The following SNRPC variants were observed in gnomAD, a reference collection of about 807,000 sequenced individuals.
SNRPC encodes the protein U1 small nuclear ribonucleoprotein C.
In SNRPC, 5 loss-of-function variants were observed where a neutral mutation model predicts 20.0. That is an observed-to-expected ratio of 0.25 (90% CI 0.13 to 0.53). The LOEUF (loss-of-function observed/expected upper bound fraction) is 0.53. Ranked by LOEUF, SNRPC falls within the 20% of genes least tolerant of loss-of-function variation. SNRPC has a pLI of 0.96. For missense variants in SNRPC, 112 were observed against 224.1 expected (o/e 0.50, Z 3.19); for synonymous variants, 61 against 58.7 (o/e 1.04, Z -0.18).
At chr6:34,761,622 G>A (rs7341334) in intron 2 of SNRPC, among the ~76,000 whole-genome samples, 147 of 143,552 alleles carry the variant, frequency 1.0e-3, no homozygotes, top group African/African-American at 3.2e-3. Flanking sequence ...CTGGGTTCAC[G>A]CCATTCTCCT....
intron 2 of SNRPC, among the ~76,000 whole-genome samples, chr6:34,759,801 C>CT (rs1399271552): frequency 6.6e-6 from 1 of 152,186 alleles, no homozygotes; most frequent in African/African-American, 2.4e-5. Flanking sequence ...CTCAGAGACC[C>CT]TTAGATGTCT....
chr6:34,760,363 T>A (rs1219737849), intron 2 of SNRPC, among the ~76,000 whole-genome samples: 2 of 152,026 alleles, frequency 1.3e-5, no homozygotes, highest in African/African-American at 4.8e-5. Context: ...AGTGAGTCAC[T>A]GTGTCCGGCC....
intron 3 of SNRPC, among the ~76,000 whole-genome samples, chr6:34,765,568 C>A (rs1486155798): frequency 6.6e-6 from 1 of 151,962 alleles, no homozygotes. Flanking sequence ...TCCCGAGTAG[C>A]TGGGACTACA....
At position 34,773,580 on chromosome 6, in the gene SNRPC, G is replaced by A; in HGVS notation, c.*10G>A. The A allele has an allele frequency of 1.2e-6, 2 of 1,611,866 alleles. No individual in the cohort carries two copies. The highest frequency in any genetic ancestry group is 1.7e-6 in the Non-Finnish European group (2 of 1,178,772). On this transcript the variant is annotated 3_prime_UTR_variant, in exon 6 of 6. Coordinates refer to ENST00000244520, the MANE Select transcript of SNRPC (RefSeq NM_003093.3). The surrounding 1 kb of genome is among the most constrained non-coding windows in gnomAD (Gnocchi z 4.1). Reference sequence around the variant, plus strand: ...TCGACCAGACAGATAAGGATAGAGGGGAGGCCTTATTGTATCGGTTTTATA... The same window carrying A: ...TCGACCAGACAGATAAGGATAGAGGAGAGGCCTTATTGTATCGGTTTTATA...
At chr6:34,770,261 C>A in intron 4 of SNRPC, 30 bp from the exon 5 acceptor site, 1 of 1,441,354 alleles carries the variant, frequency 6.9e-7, no homozygotes, top group Non-Finnish European at 9.8e-7. Flanking sequence ...GTGAGCACAC[C>A]TTAACCACAG....
intron 2 of SNRPC, among the ~76,000 whole-genome samples, chr6:34,758,687 T>C (rs1417532720): frequency 1.3e-5 from 2 of 152,140 alleles, no homozygotes; most frequent in African/African-American, 4.8e-5. Context: ...CCATGCATGA[T>C]TTTGTAATGT....
At chr6:34,764,836 A>G (rs952406760) in intron 3 of SNRPC, among the ~76,000 whole-genome samples, 7 of 152,008 alleles carry the variant, frequency 4.6e-5, no homozygotes, top group Admixed American at 2.0e-4. Flanking sequence ...AGCCTGACCA[A>G]CATCGAGAAA....
chr6:34,765,020 GA>G (rs374752767), intron 3 of SNRPC, among the ~76,000 whole-genome samples: 42 of 148,478 alleles, frequency 2.8e-4, no homozygotes, highest in African/African-American at 8.9e-4. Flanking sequence ...GACTCTGTCT[GA>G]AAAAAAAAAC....
intron 2 of SNRPC, among the ~76,000 whole-genome samples, chr6:34,760,147 T>C (rs1764516060): frequency 6.6e-6 from 1 of 151,026 alleles, no homozygotes; most frequent in Non-Finnish European, 1.5e-5. Context: ...GAGTCTTGCT[T>C]TATTTCCTGG....
At chr6:34,758,634 A>C (rs577633268) in intron 2 of SNRPC, among the ~76,000 whole-genome samples, 1 of 152,296 alleles carries the variant, frequency 6.6e-6, no homozygotes, top group East Asian at 1.9e-4. Flanking sequence ...TCTTAAAAAA[A>C]AATTTAGTGG....
chr6:34,770,188 C>T (rs932346909), intron 4 of SNRPC, 103 bp from the exon 5 acceptor site: 6 of 867,788 alleles, frequency 6.9e-6, no homozygotes, highest in Admixed American at 3.6e-5. Context: ...TGCCATTGCA[C>T]TCCGGCCTGG....
chr6:34,762,248 G>A (rs1245704746), intron 2 of SNRPC, among the ~76,000 whole-genome samples: 1 of 151,926 alleles, frequency 6.6e-6, no homozygotes, highest in Non-Finnish European at 1.5e-5. Flanking sequence ...AGGCTGCAGT[G>A]AGCCGAGATC....
At position 34,770,402 on chromosome 6, in the gene SNRPC, T is replaced by G; in HGVS notation, c.355+7T>G. 6 of 1,557,592 alleles carry G rather than the reference T, an allele frequency of 3.9e-6. No homozygotes were observed. The highest frequency in any genetic ancestry group is 5.3e-6 in the Non-Finnish European group (6 of 1,128,538). The stretch of plus-strand genomic sequence containing the variant: ...ATGATGCCAGTGGGACCTGGTAAGT[T>G]TGAATGTCTGTCTTTCTAGTTTGTT... On this transcript the variant is annotated splice_region_variant and intron_variant, in intron 5 of 5. Transcript: ENST00000244520.
At chr6:34,759,964 A>G (rs1764512405) in intron 2 of SNRPC, among the ~76,000 whole-genome samples, 1 of 152,142 alleles carries the variant, frequency 6.6e-6, no homozygotes, top group Non-Finnish European at 1.5e-5. Context: ...TAGTAGCTGG[A>G]AGAAACTGGC....
In SNRPC at chr6:34,773,411, C is replaced by T; in HGVS notation, c.356-35C>T. The T allele has an allele frequency of 6.2e-7, 1 of 1,602,792 alleles. No homozygotes were observed. The highest frequency in any genetic ancestry group is 1.1e-5 in the South Asian group (1 of 90,572). On this transcript the variant is annotated intron_variant, in intron 5 of 5. Coordinates refer to ENST00000244520, the MANE Select transcript of SNRPC (RefSeq NM_003093.3). This position sits in a 1 kb window ranked among gnomAD's most constrained non-coding sequence, Gnocchi z 4.1. ...TCTCCCTAAATCGTATTTTCTGACT[C>T]CCTTTTTCTCCCTCTTCTTTGTTTT...
At chr6:34,770,246 A>T (rs1414799579) in intron 4 of SNRPC, 45 bp from the exon 5 acceptor site, 1 of 1,310,086 alleles carries the variant, frequency 7.6e-7, no homozygotes, top group Non-Finnish European at 1.1e-6. Flanking sequence ...AGAAAATGTT[A>T]ATATGTGAGC....
intron 4 of SNRPC, among the ~76,000 whole-genome samples, chr6:34,769,549 G>A (rs2127407723): frequency 6.6e-6 from 1 of 152,160 alleles, no homozygotes; most frequent in African/African-American, 2.4e-5. Context: ...AAATGATACT[G>A]TCAGAAATAT....
rs1409762472 is a variant in SNRPC at position 34,765,915 on chromosome 6, A to AT, written c.161-1987dup. Among the ~76,000 whole-genome samples the AT allele has an allele frequency of 7.9e-5, 12 of 151,150 alleles. No individual in the cohort carries two copies. The East Asian group carries it at 2.0e-3, about 25-fold the overall frequency. On this transcript the variant is annotated intron_variant, in intron 3 of 5. Transcript: ENST00000244520. Reference sequence around the variant, plus strand: ...CACTATGCCAGGTTAATTTTGTAAAATTTTTTATAGAGATGGTGTCTCACT... The same window carrying AT: ...CACTATGCCAGGTTAATTTTGTAAAATTTTTTTATAGAGATGGTGTCTCACT...
rs1764720025 is a variant in SNRPC, at chr6:34,773,772, A to G, written c.*202A>G. Reference sequence around the variant, plus strand: ...TTGTATTGGGAAATGTGAAAATAAAATTGTCAACTCTTTCAGTTAAAAGTG... The same window carrying G: ...TTGTATTGGGAAATGTGAAAATAAAGTTGTCAACTCTTTCAGTTAAAAGTG... On this transcript the variant is annotated 3_prime_UTR_variant, in exon 6 of 6. Coordinates refer to ENST00000244520, the MANE Select transcript of SNRPC (RefSeq NM_003093.3). The surrounding 1 kb of genome is among the most constrained non-coding windows in gnomAD (Gnocchi z 4.1). 2.3e-6 allele frequency: 1 copy of G among 435,778 alleles called. No individual in the cohort carries two copies. The highest frequency in any genetic ancestry group is 4.1e-6 in the Non-Finnish European group (1 of 244,134). The allele number at this position is 435,778 out of a possible 1,614,324, so 27.0% of individuals were successfully genotyped here.
Sources: gnomAD v4.1 joint callset for allele counts (sites outside exome capture counted in the v4.1 genomes callset) on GRCh38, gnomAD v4.1.1 for gene constraint, Gnocchi (gnomAD v3.1) non-coding constraint, MANE v1.5 for transcripts, NCBI Gene and HGNC (gene_info 2026-07-23, HGNC 2026-07-21) for gene names.